SLC24A2: variants seen among roughly 807,000 people sequenced by gnomAD.
SLC24A2 encodes solute carrier family 24 member 2.
Under a neutral mutation model 62.0 loss-of-function variants are expected in SLC24A2, and 36 were observed. The observed-to-expected ratio is 0.58, with a 90% confidence interval of 0.44 to 0.77. The LOEUF (loss-of-function observed/expected upper bound fraction) is 0.77, where lower values mean the gene tolerates loss of function less well. Among genes scored for constraint, SLC24A2 ranks in the 30% least tolerant of loss-of-function variants. SLC24A2 has a pLI of 0.00. For missense variants in SLC24A2, 846 were observed against 817.9 expected (o/e 1.03, Z -0.42); for synonymous variants, 358 against 294.0 (o/e 1.22, Z -2.23).
intron 2 of SLC24A2, among the ~76,000 whole-genome samples, chr9:19,634,268 G>A (rs1162388803): frequency 7.0e-6 from 1 of 143,688 alleles, no homozygotes; most frequent in Admixed American, 7.0e-5. Flanking sequence ...AATCTAACTT[G>A]AAACTGCAGC....
chr9:19,680,063 T>A (rs1263661789), intron 2 of SLC24A2, among the ~76,000 whole-genome samples: 1 of 152,150 alleles, frequency 6.6e-6, no homozygotes, highest in Non-Finnish European at 1.5e-5. Context: ...TGGCAGCACA[T>A]ACTAAGTACT....
chr9:20,068,222 C>A, the SLC24A2 span, among the ~76,000 whole-genome samples: 1 of 151,980 alleles, frequency 6.6e-6, no homozygotes, highest in African/African-American at 2.4e-5. Context: ...AACACCACGC[C>A]TGGATAATTT....
chr9:20,036,708 C>A, the SLC24A2 span, among the ~76,000 whole-genome samples: 1 of 152,130 alleles, frequency 6.6e-6, no homozygotes, highest in Middle Eastern at 3.2e-3. Flanking sequence ...TGTGTATATA[C>A]AGTCATCTTT....
chr9:20,282,743 C>A, the SLC24A2 span, among the ~76,000 whole-genome samples: 2 of 152,142 alleles, frequency 1.3e-5, no homozygotes, highest in African/African-American at 4.8e-5. Context: ...AATATCCTCA[C>A]GAGTTTATAT....
chr9:19,524,137 C>CAA (rs57173482), intron 9 of SLC24A2, among the ~76,000 whole-genome samples: 21,278 of 84,252 alleles, frequency 0.25, 2,812 homozygotes, highest in South Asian at 0.47. Context: ...ACTTCATTTT[C>CAA]AAAAAAAAAA....
chr9:19,517,926 C>CAA (rs1833007930), intron 10 of SLC24A2, among the ~76,000 whole-genome samples: 1 of 141,090 alleles, frequency 7.1e-6, no homozygotes, highest in African/African-American at 2.8e-5. Context: ...CACACACACA[C>CAA]ACACACACAC....
chr9:19,832,678 T>C, the SLC24A2 span, among the ~76,000 whole-genome samples: 2 of 152,190 alleles, frequency 1.3e-5, no homozygotes, highest in Non-Finnish European at 2.9e-5. Context: ...GTCATAGGCA[T>C]GGGCAAGGAC....
chr9:20,074,302 T>C, the SLC24A2 span, among the ~76,000 whole-genome samples: 1 of 152,046 alleles, frequency 6.6e-6, no homozygotes. Flanking sequence ...ACATTATCAA[T>C]TAAGCACTAA....
At chr9:20,064,969 G>C in the SLC24A2 span, among the ~76,000 whole-genome samples, 1 of 152,196 alleles carries the variant, frequency 6.6e-6, no homozygotes, top group African/African-American at 2.4e-5. Flanking sequence ...GCAGGTGAAA[G>C]TGAGTAGTGA....
chr9:19,949,684 A>C, the SLC24A2 span, among the ~76,000 whole-genome samples: 5 of 152,218 alleles, frequency 3.3e-5, no homozygotes, highest in African/African-American at 1.2e-4. Flanking sequence ...TGTCCTCAAA[A>C]GGAAGCTGCT....
chr9:20,101,825 G>A, the SLC24A2 span, among the ~76,000 whole-genome samples: 171 of 152,306 alleles, frequency 1.1e-3, no homozygotes, highest in Non-Finnish European at 1.9e-3. Flanking sequence ...GAGGGTACCA[G>A]TATAAAGAAG....
chr9:20,186,925 G>A, the SLC24A2 span, among the ~76,000 whole-genome samples: 6 of 152,288 alleles, frequency 3.9e-5, no homozygotes, highest in Admixed American at 1.3e-4. Context: ...GGGTGTGGGT[G>A]GGAGTGGAGC....
intron 8 of SLC24A2, among the ~76,000 whole-genome samples, chr9:19,531,225 G>A (rs796196770): frequency 1.3e-5 from 2 of 152,100 alleles, no homozygotes; most frequent in Non-Finnish European, 2.9e-5. Flanking sequence ...CACACCCCAG[G>A]TAATCACTTC....
the SLC24A2 span, among the ~76,000 whole-genome samples, chr9:20,137,861 A>T: frequency 1.3e-5 from 2 of 152,232 alleles, no homozygotes; most frequent in African/African-American, 4.8e-5. Context: ...TTCAGAAAAC[A>T]TATCTCACTC....
chr9:19,967,821 A>C, the SLC24A2 span: 8 of 152,224 alleles, frequency 5.3e-5, no homozygotes, highest in African/African-American at 1.9e-4. Context: ...CTCCTTGTGC[A>C]TGTTCATTAG....
At position 19,786,897 on chromosome 9, in the gene SLC24A2, C is replaced by T. The variant is rs758510397; in HGVS notation, c.-31G>A. On this transcript the variant is annotated 5_prime_UTR_variant, in exon 2 of 11. Transcript: ENST00000341998. This position sits in a 1 kb window ranked among gnomAD's most constrained non-coding sequence, Gnocchi z 5.0. The stretch of plus-strand genomic sequence containing the variant: ...GTCTTCTGGTGGATATGGTGATCTT[C>T]CAACTTTAGACTCAACCAGATGGTT... 31 of 1,602,464 alleles carry T rather than the reference C, an allele frequency of 1.9e-5. No individual in the cohort carries two copies. The highest frequency in any genetic ancestry group is 1.9e-5 in the Non-Finnish European group (23 of 1,179,740).
rs545609379 is a variant in SLC24A2 at position 19,718,650 on chromosome 9, A to C, written c.930+67287T>G. On this transcript the variant is annotated intron_variant, in intron 2 of 10. Transcript: ENST00000341998. ...ATAGCATCACACGTTACTTTGACTG[A>C]CACCTGTGGTTCTTACTGGCAGCCA... is the stretch of plus-strand genomic sequence containing the variant. 3.1e-4 allele frequency among the ~76,000 whole-genome samples: 47 copies of C among 152,138 alleles called. 1 individual carries two copies. In the South Asian group the frequency reaches 9.8e-3, roughly 32 times the overall value.
At chr9:19,716,972 C>T (rs1820878755) in intron 2 of SLC24A2, among the ~76,000 whole-genome samples, 1 of 152,188 alleles carries the variant, frequency 6.6e-6, no homozygotes, top group African/African-American at 2.4e-5. Context: ...ATTGGTTCCA[C>T]CACTGCTCCT....
At chr9:20,251,107 CT>C in the SLC24A2 span, among the ~76,000 whole-genome samples, 3 of 152,218 alleles carry the variant, frequency 2.0e-5, no homozygotes, top group Non-Finnish European at 4.4e-5. Context: ...AAAAGCACAT[CT>C]TCCTTTATAT....
Sources: allele counts gnomAD v4.1 joint callset (sites outside exome capture counted in the v4.1 genomes callset), GRCh38; gene constraint gnomAD v4.1.1; non-coding constraint Gnocchi (gnomAD v3.1); transcripts MANE v1.5; gene names NCBI Gene and HGNC (gene_info 2026-07-23, HGNC 2026-07-21).